Variants in NRG1 observed in about 807,000 individuals in gnomAD.
NRG1 encodes the protein pro-neuregulin-1, membrane-bound isoform.
Under a neutral mutation model 63.8 loss-of-function variants are expected in NRG1, and 18 were observed. That is an observed-to-expected ratio of 0.28 (90% CI 0.19 to 0.42). The LOEUF (loss-of-function observed/expected upper bound fraction) is 0.42. Ranked by LOEUF, NRG1 falls within the 10% of genes least tolerant of loss-of-function variation. The probability of loss-of-function intolerance (pLI) is 1.00; values close to 1 mark genes in which losing one functional copy is unlikely to be tolerated. For synonymous variants in NRG1, 302 were observed against 301.3 expected, an observed-to-expected ratio of 1.00 and a Z score of -0.02; for missense variants, 762 against 814.7, an observed-to-expected ratio of 0.94 and a Z score of 0.79.
chr8:31,987,089 A>G (rs1366853773), intron 1 of NRG1, among the ~76,000 whole-genome samples: 9 of 151,892 alleles, frequency 5.9e-5, no homozygotes, highest in Non-Finnish European at 1.2e-4. Context: ...CATGAGGTCA[A>G]GAGATTGAGA....
intron 1 of NRG1, among the ~76,000 whole-genome samples, chr8:32,410,730 G>C (rs1323186755): frequency 6.6e-6 from 1 of 151,944 alleles, no homozygotes; most frequent in Non-Finnish European, 1.5e-5. Context: ...CCTGACTACT[G>C]AAAGTCCCCA....
intron 1 of NRG1, among the ~76,000 whole-genome samples, chr8:31,767,922 A>G (rs1818238173): frequency 6.6e-6 from 1 of 151,978 alleles, no homozygotes; most frequent in East Asian, 1.9e-4. Context: ...TATCACATTT[A>G]TAAAAGAAAT....
chr8:31,693,069 C>T (rs1809692416), intron 1 of NRG1, among the ~76,000 whole-genome samples: 1 of 152,150 alleles, frequency 6.6e-6, no homozygotes, highest in Admixed American at 6.5e-5. Context: ...AGCTAATCTC[C>T]AGGTCAAAGC....
At chr8:31,929,521 A>G (rs1834691930) in intron 1 of NRG1, among the ~76,000 whole-genome samples, 1 of 151,972 alleles carries the variant, frequency 6.6e-6, no homozygotes, top group African/African-American at 2.4e-5. Flanking sequence ...ATACACACAC[A>G]TGTCTATGTA....
intron 1 of NRG1, among the ~76,000 whole-genome samples, chr8:32,434,738 G>T (rs1337028613): frequency 6.6e-6 from 1 of 151,948 alleles, no homozygotes; most frequent in African/African-American, 2.4e-5. Context: ...AGTATAATCA[G>T]CCCTCCCATA....
At chr8:32,418,995 C>A (rs1426166669) in intron 1 of NRG1, among the ~76,000 whole-genome samples, 1 of 152,068 alleles carries the variant, frequency 6.6e-6, no homozygotes, top group Non-Finnish European at 1.5e-5. Context: ...TTCTTGTTTT[C>A]CTGAAACTGA....
At chr8:31,837,393 T>C (rs1263358233) in intron 1 of NRG1, among the ~76,000 whole-genome samples, 4 of 152,078 alleles carry the variant, frequency 2.6e-5, no homozygotes, top group Non-Finnish European at 1.5e-5. Flanking sequence ...CACCTAATAA[T>C]TTTGCATGTT....
At chr8:32,202,401 C>A (rs1420656609) in intron 1 of NRG1, among the ~76,000 whole-genome samples, 1 of 152,112 alleles carries the variant, frequency 6.6e-6, no homozygotes, top group East Asian at 1.9e-4. Context: ...GAGCAGAAGC[C>A]AGGGTGAGTG....
chr8:32,545,388 A>G (rs1832974733), upstream of NRG1, among the ~76,000 whole-genome samples: 1 of 152,206 alleles, frequency 6.6e-6, no homozygotes, highest in Non-Finnish European at 1.5e-5. Context: ...TATACCCTAT[A>G]TAATACATGA....
chr8:31,742,332 T>G (rs1815361330), intron 1 of NRG1, among the ~76,000 whole-genome samples: 1 of 151,930 alleles, frequency 6.6e-6, no homozygotes, highest in African/African-American at 2.4e-5. Flanking sequence ...GAAAGATATT[T>G]GAACATATTA....
chr8:32,732,822 T>TTTTTTTGGGGG (rs1824058467), intron 6 of NRG1, among the ~76,000 whole-genome samples: 1 of 146,838 alleles, frequency 6.8e-6, no homozygotes, highest in Admixed American at 6.8e-5. Context: ...TTTTTTTTTT[T>TTTTTTTGGGGG]GAGATGGAGT....
chr8:32,144,457 G>A (rs1277464551), intron 1 of NRG1, among the ~76,000 whole-genome samples: 1 of 152,018 alleles, frequency 6.6e-6, no homozygotes, highest in Non-Finnish European at 1.5e-5. Context: ...AGAAATTCTT[G>A]TTTCATCGTC....
At chr8:32,099,181 A>G (rs1429146703) in intron 1 of NRG1, among the ~76,000 whole-genome samples, 3 of 152,154 alleles carry the variant, frequency 2.0e-5, no homozygotes, top group South Asian at 2.1e-4. Flanking sequence ...GGGGAGGGCT[A>G]TGTGCTTTAC....
chr8:32,148,425 G>A (rs1378052179), intron 1 of NRG1, among the ~76,000 whole-genome samples: 3 of 152,188 alleles, frequency 2.0e-5, no homozygotes, highest in African/African-American at 7.2e-5. Flanking sequence ...TTGAGACGGA[G>A]TCTAGCTCTG....
intron 5 of NRG1, among the ~76,000 whole-genome samples, chr8:32,668,212 C>CA (rs35142176): frequency 7.0e-4 from 99 of 141,730 alleles, no homozygotes; most frequent in East Asian, 8.3e-4. Flanking sequence ...GACTCCATCT[C>CA]AAAAAAAAAA....
chr8:32,500,074 A>C (rs1238196805), intron 1 of NRG1, among the ~76,000 whole-genome samples: 1 of 152,250 alleles, frequency 6.6e-6, no homozygotes, highest in Non-Finnish European at 1.5e-5. Context: ...AATGTGATCA[A>C]AAACAATCAA....
At chr8:31,764,376 T>C (rs993743480) in intron 1 of NRG1, among the ~76,000 whole-genome samples, 1 of 152,186 alleles carries the variant, frequency 6.6e-6, no homozygotes, top group Admixed American at 6.5e-5. Context: ...TTTGTGCTTT[T>C]ACAGCCATGA....
At chr8:32,167,088 T>C (rs776484138) in intron 1 of NRG1, among the ~76,000 whole-genome samples, 14 of 152,230 alleles carry the variant, frequency 9.2e-5, no homozygotes, top group Admixed American at 3.9e-4. Flanking sequence ...GAACTTGGCA[T>C]GTTTTCTATT....
At chr8:31,719,037 T>C (rs1222466310) in intron 1 of NRG1, among the ~76,000 whole-genome samples, 1 of 152,180 alleles carries the variant, frequency 6.6e-6, no homozygotes, top group Non-Finnish European at 1.5e-5. Context: ...AGAAAATGAT[T>C]ATATGTATCA....
Sources: allele counts gnomAD v4.1 joint callset (sites outside exome capture counted in the v4.1 genomes callset), GRCh38; gene constraint gnomAD v4.1.1; transcripts MANE v1.5; gene names NCBI Gene and HGNC (gene_info 2026-07-23, HGNC 2026-07-21).